The following C12orf50 variants were observed in gnomAD, a reference collection of about 807,000 sequenced individuals.
C12orf50 encodes zinc finger CCCH-type containing 11D.
C12orf50 carries 35 observed loss-of-function variants against 61.6 expected under a neutral mutation model. That is an observed-to-expected ratio of 0.57 (90% CI 0.43 to 0.75). C12orf50 has a LOEUF of 0.75. Ranked by LOEUF, C12orf50 falls within the 30% of genes least tolerant of loss-of-function variation. C12orf50 has a pLI of 0.00. For missense variants in C12orf50, 475 were observed against 488.5 expected, an observed-to-expected ratio of 0.97 and a Z score of 0.26; for synonymous variants, 178 against 161.5, an observed-to-expected ratio of 1.10 and a Z score of -0.77.
At chr12:88,021,599 C>T (rs2032519497) in intron 3 of C12orf50, among the ~76,000 whole-genome samples, 1 of 151,934 alleles carries the variant, frequency 6.6e-6, no homozygotes, top group South Asian at 2.1e-4. Context: ...GATCGCACCA[C>T]TGCATTCCAG....
intron 3 of C12orf50, among the ~76,000 whole-genome samples, chr12:88,021,994 A>G (rs2032533441): frequency 6.6e-6 from 1 of 152,036 alleles, no homozygotes; most frequent in Non-Finnish European, 1.5e-5. Flanking sequence ...TCATTCTATG[A>G]GGCCAGCATC....
intron 9 of C12orf50, 79 bp from the exon 10 acceptor site, chr12:87,986,495 C>A: frequency 1.0e-6 from 1 of 982,802 alleles, no homozygotes; most frequent in Non-Finnish European, 1.5e-6. Context: ...AATTACATAT[C>A]TGTGCATTCA....
intron 12 of C12orf50, among the ~76,000 whole-genome samples, chr12:87,980,953 A>G (rs2030434894): frequency 6.6e-6 from 1 of 152,196 alleles, no homozygotes; most frequent in South Asian, 2.1e-4. Context: ...GTGACCTAGC[A>G]GGAATATGTG....
chr12:88,027,523 A>G (rs2032751937), intron 1 of C12orf50, among the ~76,000 whole-genome samples: 1 of 152,182 alleles, frequency 6.6e-6, no homozygotes, highest in African/African-American at 2.4e-5. Flanking sequence ...TTCTCAGTCT[A>G]TGGAGATACT....
chr12:88,027,113 C>T (rs2032736556), intron 1 of C12orf50, 43 bp from the exon 2 acceptor site: 1 of 1,529,720 alleles, frequency 6.5e-7, no homozygotes, highest in African/African-American at 1.4e-5. Flanking sequence ...AATATGTTGA[C>T]ATTAGTGTTC....
intron 3 of C12orf50, among the ~76,000 whole-genome samples, chr12:88,012,921 G>A (rs923609482): frequency 1.1e-4 from 17 of 151,888 alleles, no homozygotes; most frequent in African/African-American, 2.9e-4. Context: ...AAAATTAGTC[G>A]GGCATGGCGT....
chr12:88,016,549 G>C (rs1272930635), intron 3 of C12orf50, among the ~76,000 whole-genome samples: 1 of 152,162 alleles, frequency 6.6e-6, no homozygotes, highest in Non-Finnish European at 1.5e-5. Context: ...TTTCAGCTGA[G>C]CTTGTTAGTT....
chr12:87,981,128 G>A (rs2030446558), intron 12 of C12orf50, among the ~76,000 whole-genome samples: 1 of 152,124 alleles, frequency 6.6e-6, no homozygotes, highest in African/African-American at 2.4e-5. Context: ...TCCTCTGCAT[G>A]TAAATTTAGT....
intron 3 of C12orf50, among the ~76,000 whole-genome samples, chr12:88,019,074 G>A (rs538103297): frequency 6.6e-6 from 1 of 151,970 alleles, no homozygotes; most frequent in Non-Finnish European, 1.5e-5. Flanking sequence ...GATTTGGGAG[G>A]GGCCAGGGAT....
At chr12:88,022,254 T>C (rs1202961554) in intron 3 of C12orf50, among the ~76,000 whole-genome samples, 1 of 151,784 alleles carries the variant, frequency 6.6e-6, no homozygotes, top group Non-Finnish European at 1.5e-5. Flanking sequence ...CATATTGAGA[T>C]ATGATTACCT....
At chr12:87,988,194 A>G (rs958093229) in intron 8 of C12orf50, among the ~76,000 whole-genome samples, 6 of 152,194 alleles carry the variant, frequency 3.9e-5, no homozygotes, top group African/African-American at 1.2e-4. Flanking sequence ...ATTATTTTCA[A>G]TATGTAAATA....
chr12:87,996,365 A>C lies in C12orf50; in HGVS notation c.481+9T>G. 1.3e-6 allele frequency: 2 copies of C among 1,570,336 alleles called. No individual in the cohort carries two copies. Among genetic ancestry groups the C allele is most frequent in the Non-Finnish European group, 1.8e-6 (2 of 1,141,092 alleles). Reference sequence around the variant, plus strand: ...AGATCACTATGAATGCTGCCTTTTCATTTCTTACCTTCTTGCAATTCACTG... The same window carrying C: ...AGATCACTATGAATGCTGCCTTTTCCTTTCTTACCTTCTTGCAATTCACTG... On this transcript the variant is annotated intron_variant, in intron 6 of 12. Transcript: ENST00000298699.
intron 11 of C12orf50, chr12:87,985,186 A>G (rs2030743152): frequency 1.3e-5 from 2 of 152,170 alleles, no homozygotes; most frequent in Admixed American, 1.3e-4. Context: ...AAATACAAAC[A>G]TGAAATCATA....
At chr12:87,991,851 G>T (rs536529032) in intron 7 of C12orf50, among the ~76,000 whole-genome samples, 8 of 152,172 alleles carry the variant, frequency 5.3e-5, no homozygotes, top group African/African-American at 1.4e-4. Context: ...TGGAAATATT[G>T]TCTGTCAAAT....
chr12:88,029,662 A>G (rs935486811), upstream of C12orf50, among the ~76,000 whole-genome samples: 2 of 152,194 alleles, frequency 1.3e-5, no homozygotes, highest in African/African-American at 4.8e-5. Context: ...TTTCACAAGT[A>G]AACAGCTATT....
intron 12 of C12orf50, among the ~76,000 whole-genome samples, chr12:87,980,599 T>C (rs989718389): frequency 3.9e-5 from 6 of 152,140 alleles, no homozygotes; most frequent in African/African-American, 1.2e-4. Context: ...AAGGCTGTGC[T>C]ATGGGACATG....
chr12:87,992,269 T>C (rs865965462), intron 7 of C12orf50, among the ~76,000 whole-genome samples: 71 of 152,144 alleles, frequency 4.7e-4, no homozygotes, highest in African/African-American at 1.6e-3. Flanking sequence ...TGTAGGTATA[T>C]GTGTGTGTGT....
At chr12:87,994,385 C>T (rs2031284195) in intron 7 of C12orf50, among the ~76,000 whole-genome samples, 1 of 150,812 alleles carries the variant, frequency 6.6e-6, no homozygotes. Context: ...CACATACATG[C>T]ACACACACAC....
intron 8 of C12orf50, 59 bp from the exon 9 acceptor site, chr12:87,988,025 A>AGTT: frequency 8.9e-7 from 1 of 1,117,914 alleles, no homozygotes; most frequent in Non-Finnish European, 1.3e-6. Context: ...AAAGCATTTC[A>AGTT]GTTGTTATTT....
Sources: allele counts gnomAD v4.1 joint callset (sites outside exome capture counted in the v4.1 genomes callset), GRCh38; gene constraint gnomAD v4.1.1; transcripts MANE v1.5; gene names NCBI Gene and HGNC (gene_info 2026-07-23, HGNC 2026-07-21).